The following SPECC1 variants were observed in gnomAD, a reference collection of about 807,000 sequenced individuals.
SPECC1 encodes cytospin-B.
SPECC1 carries 62 observed loss-of-function variants against 104.1 expected under a neutral mutation model. The ratio of observed to expected loss-of-function variants is 0.60; its 90% CI spans 0.49 to 0.74. The LOEUF (loss-of-function observed/expected upper bound fraction) is 0.74, where lower values mean the gene tolerates loss of function less well. SPECC1 is among the 30% of genes least tolerant of loss of function. SPECC1 has a pLI of 0.00. For missense variants in SPECC1, 1,306 were observed against 1,310.5 expected (o/e 1.00, Z 0.05); for synonymous variants, 513 against 501.6 (o/e 1.02, Z -0.30).
At position 20,058,526 on chromosome 17, in the gene SPECC1, G is replaced by GT. The variant is rs142115145; in HGVS notation, c.-21-38104dup. 7.9e-3 allele frequency among the ~76,000 whole-genome samples: 1,201 copies of GT among 152,202 alleles called. 15 individuals carry two copies. The highest frequency in any genetic ancestry group is 0.027 in the African/African-American group (1,135 of 41,538). On this transcript the variant is annotated intron_variant, in intron 1 of 14. Transcript: ENST00000395527. ...ATTTAAAAATTAGCTGGGCATGGTG[G>GT]TGCGTGCCTGTAGTCCCAGCTACTC...
At chr17:20,256,753 T>C (rs2039847165) in intron 10 of SPECC1, among the ~76,000 whole-genome samples, 2 of 152,194 alleles carry the variant, frequency 1.3e-5, no homozygotes, top group South Asian at 2.1e-4. Context: ...TGGTGCACTT[T>C]CCTGTAGTCC....
At chr17:20,074,566 GTTTTC>G (rs1482641902) in intron 1 of SPECC1, among the ~76,000 whole-genome samples, 1 of 152,196 alleles carries the variant, frequency 6.6e-6, no homozygotes, top group Non-Finnish European at 1.5e-5. Flanking sequence ...TCCACACTAA[GTTTTC>G]TTGGGAAATG....
chr17:20,160,752 C>T (rs1279359055), intron 3 of SPECC1, among the ~76,000 whole-genome samples: 1 of 152,164 alleles, frequency 6.6e-6, no homozygotes, highest in African/African-American at 2.4e-5. Context: ...TACAATTCTA[C>T]ATGATATACT....
At chr17:20,043,963 A>G (rs774435485) in intron 1 of SPECC1, among the ~76,000 whole-genome samples, 2 of 152,110 alleles carry the variant, frequency 1.3e-5, no homozygotes, top group Non-Finnish European at 2.9e-5. Context: ...GGGAGCCAGG[A>G]GAGTATCTTT....
At chr17:20,256,759 A>G (rs968681929) in intron 10 of SPECC1, among the ~76,000 whole-genome samples, 4 of 152,224 alleles carry the variant, frequency 2.6e-5, no homozygotes, top group Non-Finnish European at 5.9e-5. Context: ...ACTTTCCTGT[A>G]GTCCCAGCTA....
chr17:20,302,886 A>G (rs2041636750), intron 13 of SPECC1, among the ~76,000 whole-genome samples: 1 of 149,030 alleles, frequency 6.7e-6, no homozygotes, highest in South Asian at 2.1e-4. Flanking sequence ...TCTAAAAAAA[A>G]AAAAAAAAAA....
chr17:20,175,317 C>A (rs2034398488), intron 3 of SPECC1, among the ~76,000 whole-genome samples: 1 of 152,192 alleles, frequency 6.6e-6, no homozygotes, highest in African/African-American at 2.4e-5. Context: ...AGCGTGAATA[C>A]CATTTTATTA....
rs534829496 is a variant in SPECC1 at position 20,306,184 on chromosome 17, C to T, written c.3117+102C>T. The stretch of plus-strand genomic sequence containing the variant: ...CTCGTAGAACATTGACATCTGTTTG[C>T]CGAAAGTCTGTTGCTCTCAATACCT... On this transcript the variant is annotated intron_variant, in intron 14 of 14. Transcript: ENST00000395527. 9 of 1,124,480 alleles carry T rather than the reference C, an allele frequency of 8.0e-6. No individual in the cohort carries two copies. In the East Asian group the frequency reaches 2.2e-4, roughly 27 times the overall value. 69.7% of individuals were successfully genotyped at this position (1,124,480 alleles called of 1,614,324 possible). A position where few individuals can be genotyped will look rare whatever the true frequency, so the allele number is the denominator to read the frequency against.
At chr17:20,020,949 C>T (rs574312778) in intron 1 of SPECC1, among the ~76,000 whole-genome samples, 16 of 152,310 alleles carry the variant, frequency 1.1e-4, no homozygotes, top group Middle Eastern at 3.4e-3. Context: ...TAACTACTGA[C>T]AGCCTACTGT....
At chr17:20,245,819 T>G (rs1220506645) in intron 7 of SPECC1, 107 bp from the exon 8 acceptor site, 2 of 1,311,034 alleles carry the variant, frequency 1.5e-6, no homozygotes, top group Non-Finnish European at 2.1e-6. Context: ...GAATTTCCCT[T>G]CCAGCTTCAT....
At chr17:20,113,133 G>A in intron 3 of SPECC1, 1 of 611,878 alleles carries the variant, frequency 1.6e-6, no homozygotes, top group South Asian at 2.2e-5. Flanking sequence ...TGTTCTCAGT[G>A]GTGCATAAGG....
chr17:20,266,281 G>C (rs1044260093), intron 12 of SPECC1, among the ~76,000 whole-genome samples: 1 of 152,136 alleles, frequency 6.6e-6, no homozygotes, highest in Admixed American at 6.5e-5. Flanking sequence ...TTCAGCTCCA[G>C]GTAATATTGT....
chr17:20,156,194 A>G, intron 3 of SPECC1: 1 of 1,447,680 alleles, frequency 6.9e-7, no homozygotes, highest in Admixed American at 2.8e-5. Context: ...GAGTCGGCCA[A>G]GCATGGGCAA....
chr17:20,101,713 G>T (rs550688121), intron 2 of SPECC1, among the ~76,000 whole-genome samples: 1 of 152,306 alleles, frequency 6.6e-6, no homozygotes, highest in South Asian at 2.1e-4. Context: ...GCTTGCTTCA[G>T]CAGAAAAGGA....
intron 3 of SPECC1, among the ~76,000 whole-genome samples, chr17:20,200,774 A>G (rs2036374866): frequency 6.6e-6 from 1 of 152,112 alleles, no homozygotes; most frequent in Non-Finnish European, 1.5e-5. Flanking sequence ...GACCATCATC[A>G]TTGGTCTGAT....
chr17:20,010,387 G>C (rs924259761), intron 1 of SPECC1, among the ~76,000 whole-genome samples: 17 of 152,198 alleles, frequency 1.1e-4, no homozygotes, highest in African/African-American at 3.9e-4. Flanking sequence ...AAGGGCACAA[G>C]TCAGCCCTTC....
intron 3 of SPECC1, among the ~76,000 whole-genome samples, chr17:20,116,313 C>T (rs930145655): frequency 6.6e-6 from 1 of 152,132 alleles, no homozygotes; most frequent in African/African-American, 2.4e-5. Context: ...TGGTCTCGAT[C>T]TCCTGACCTC....
intron 3 of SPECC1, among the ~76,000 whole-genome samples, chr17:20,119,612 A>G (rs892309566): frequency 1.3e-5 from 2 of 152,236 alleles, no homozygotes; most frequent in Non-Finnish European, 2.9e-5. Flanking sequence ...GTACATTGTC[A>G]TGCTGTCCCC....
chr17:20,265,828 A>G (rs1169737522), intron 12 of SPECC1, among the ~76,000 whole-genome samples: 2 of 152,222 alleles, frequency 1.3e-5, no homozygotes, highest in African/African-American at 2.4e-5. Flanking sequence ...CAGTCATCCC[A>G]GCAGCATTTG....
Sources: allele counts gnomAD v4.1 joint callset (sites outside exome capture counted in the v4.1 genomes callset), GRCh38; gene constraint gnomAD v4.1.1; transcripts MANE v1.5; gene names NCBI Gene and HGNC (gene_info 2026-07-23, HGNC 2026-07-21).